Variants in CSRNP3 observed in about 807,000 individuals in gnomAD.
CSRNP3 encodes cysteine/serine-rich nuclear protein 3.
A neutral mutation model predicts 48.0 loss-of-function variants in CSRNP3; 12 were observed. The observed-to-expected ratio is 0.25, with a 90% confidence interval of 0.16 to 0.41. The LOEUF (loss-of-function observed/expected upper bound fraction) is 0.41. CSRNP3 is among the 10% of genes least tolerant of loss of function. The pLI, the probability that CSRNP3 is intolerant of heterozygous loss-of-function variation, is 1.00. For synonymous variants in CSRNP3, 263 were observed against 269.7 expected (o/e 0.98, Z 0.24); for missense variants, 580 against 724.4 (o/e 0.80, Z 2.29).
At chr2:165,671,052 C>T (rs1395383491) in intron 5 of CSRNP3, among the ~76,000 whole-genome samples, 1 of 152,120 alleles carries the variant, frequency 6.6e-6, no homozygotes, top group Non-Finnish European at 1.5e-5. Flanking sequence ...ATGTTAAATT[C>T]CCAGCTTTGT....
chr2:165,636,873 T>A (rs946038475), intron 4 of CSRNP3, among the ~76,000 whole-genome samples: 8 of 152,188 alleles, frequency 5.3e-5, no homozygotes, highest in African/African-American at 1.9e-4. Context: ...AACACATAGA[T>A]TTGGTTCATG....
intron 5 of CSRNP3, among the ~76,000 whole-genome samples, chr2:165,670,965 TGAGAA>T (rs887208876): frequency 3.9e-5 from 6 of 152,194 alleles, no homozygotes; most frequent in Non-Finnish European, 8.8e-5. Context: ...AGTATCTACT[TGAGAA>T]GAGAGCATTC....
chr2:165,503,665 A>G (rs1684387266), intron 2 of CSRNP3, among the ~76,000 whole-genome samples: 2 of 152,034 alleles, frequency 1.3e-5, no homozygotes, highest in African/African-American at 4.8e-5. Flanking sequence ...TAGGCAACAC[A>G]TTAGATATCT....
At position 165,686,419 on chromosome 2, in the gene CSRNP3, C is replaced by CT. The variant is rs920000492; in HGVS notation, c.*6672dup. The CT allele has an allele frequency of 6.6e-6, 1 of 151,938 alleles. No individual in the cohort carries two copies. Among genetic ancestry groups the CT allele is most frequent in the Non-Finnish European group, 1.5e-5 (1 of 67,948 alleles). The allele number at this position is 151,938 out of a possible 1,614,324, so 9.4% of individuals were successfully genotyped here. On this transcript the variant is annotated 3_prime_UTR_variant, in exon 7 of 7. Coordinates refer to ENST00000651982, the MANE Select transcript of CSRNP3 (RefSeq NM_001172173.2). ...TCCTCCTTTTCATGTGGTCACCAAG[C>CT]TTTTTTCCTTAGCCATTAAAAAAGC...
chr2:165,633,277 A>T (rs950003892), intron 4 of CSRNP3, among the ~76,000 whole-genome samples: 2 of 152,140 alleles, frequency 1.3e-5, no homozygotes, highest in African/African-American at 4.8e-5. Flanking sequence ...ATCACCTACA[A>T]CTATGTTGGC....
chr2:165,595,836 G>A (rs761837021), intron 4 of CSRNP3, among the ~76,000 whole-genome samples: 12 of 151,858 alleles, frequency 7.9e-5, no homozygotes, highest in East Asian at 1.9e-4. Context: ...TCGCTCTGTC[G>A]CCCAGGCTGG....
intron 3 of CSRNP3, among the ~76,000 whole-genome samples, chr2:165,591,105 A>T (rs1685709652): frequency 2.0e-5 from 3 of 152,156 alleles, no homozygotes; most frequent in Admixed American, 1.3e-4. Context: ...CTTGTTGAAC[A>T]CTTTGACCAA....
chr2:165,651,569 A>G (rs1573944505), intron 4 of CSRNP3, among the ~76,000 whole-genome samples: 1 of 151,526 alleles, frequency 6.6e-6, no homozygotes, highest in Middle Eastern at 3.5e-3. Context: ...TATAATTTAT[A>G]GTACAGATTA....
At chr2:165,646,876 A>C (rs951277355) in intron 4 of CSRNP3, among the ~76,000 whole-genome samples, 4 of 152,084 alleles carry the variant, frequency 2.6e-5, no homozygotes, top group Non-Finnish European at 5.9e-5. Flanking sequence ...GATGTTATTC[A>C]TATTGAGATT....
intron 4 of CSRNP3, among the ~76,000 whole-genome samples, chr2:165,598,028 A>G (rs1029116651): frequency 2.6e-5 from 4 of 152,206 alleles, no homozygotes; most frequent in African/African-American, 9.6e-5. Context: ...AAGAGCCATA[A>G]AAGCATTCAT....
intron 3 of CSRNP3, among the ~76,000 whole-genome samples, chr2:165,588,857 G>A (rs1407827943): frequency 1.3e-5 from 2 of 152,188 alleles, no homozygotes; most frequent in Non-Finnish European, 2.9e-5. Flanking sequence ...AGCTACTGGT[G>A]AGGCAGAGGT....
At chr2:165,641,016 A>G (rs1048144506) in intron 4 of CSRNP3, among the ~76,000 whole-genome samples, 3 of 152,346 alleles carry the variant, frequency 2.0e-5, no homozygotes, top group Middle Eastern at 3.4e-3. Flanking sequence ...CAACACTTGA[A>G]AACAATCCAT....
chr2:165,676,982 G>T (rs1319005328), intron 6 of CSRNP3, among the ~76,000 whole-genome samples: 2 of 152,014 alleles, frequency 1.3e-5, no homozygotes, highest in Non-Finnish European at 2.9e-5. Context: ...TCCATCCATG[G>T]GATATAAAAT....
intron 4 of CSRNP3, among the ~76,000 whole-genome samples, chr2:165,642,724 G>A (rs553425940): frequency 2.7e-4 from 41 of 152,106 alleles, no homozygotes; most frequent in African/African-American, 8.7e-4. Flanking sequence ...CACCATGCCC[G>A]GCTAATTTTG....
At chr2:165,548,520 T>C (rs1337297930) in intron 3 of CSRNP3, among the ~76,000 whole-genome samples, 1 of 152,090 alleles carries the variant, frequency 6.6e-6, no homozygotes, top group African/African-American at 2.4e-5. Context: ...ACAGGAAATA[T>C]TATATTGACC....
At position 165,512,372 on chromosome 2, in the gene CSRNP3, A is replaced by G. The variant is rs146039099; in HGVS notation, c.-112-5501A>G. On this transcript the variant is annotated intron_variant, in intron 2 of 6. Coordinates refer to ENST00000651982, the MANE Select transcript of CSRNP3 (RefSeq NM_001172173.2). The stretch of plus-strand genomic sequence containing the variant: ...CTAGATTCTCTTATAATTCTAACAG[A>G]TTTCCAGAAATTGTAATACCTCTTC... Among the ~76,000 whole-genome samples the G allele has an allele frequency of 8.6e-4, 131 of 152,324 alleles. No individual in the cohort carries two copies. The Middle Eastern group carries it at 0.01, about 12-fold the overall frequency.
chr2:165,663,812 A>G (rs1687135009), intron 5 of CSRNP3, among the ~76,000 whole-genome samples: 1 of 152,052 alleles, frequency 6.6e-6, no homozygotes, highest in South Asian at 2.1e-4. Context: ...GTGTATTTAA[A>G]CCATGAGATT....
At chr2:165,634,622 T>C (rs1013096563) in intron 4 of CSRNP3, among the ~76,000 whole-genome samples, 6 of 152,082 alleles carry the variant, frequency 3.9e-5, no homozygotes, top group African/African-American at 1.4e-4. Flanking sequence ...TTACGGAAGT[T>C]AAGGAAAGGA....
chr2:165,539,128 A>C (rs1416748023), intron 3 of CSRNP3, among the ~76,000 whole-genome samples: 4 of 151,908 alleles, frequency 2.6e-5, no homozygotes, highest in African/African-American at 9.7e-5. Flanking sequence ...ATTCAACCTG[A>C]TGGTATATTT....
Sources: allele counts gnomAD v4.1 joint callset (sites outside exome capture counted in the v4.1 genomes callset), GRCh38; gene constraint gnomAD v4.1.1; transcripts MANE v1.5; gene names NCBI Gene and HGNC (gene_info 2026-07-23, HGNC 2026-07-21).